PDCD11: variants seen among roughly 807,000 people sequenced by gnomAD.
PDCD11 encodes the protein protein RRP5 homolog.
A neutral mutation model predicts 198.9 loss-of-function variants in PDCD11; 97 were observed. The observed-to-expected ratio is 0.49, with a 90% CI of 0.41 to 0.58. The LOEUF is 0.58. Among genes scored for constraint, PDCD11 ranks in the 20% least tolerant of loss-of-function variants. The pLI is 0.00. For missense variants in PDCD11, 2,102 were observed against 2,312.7 expected, an observed-to-expected ratio of 0.91 and a Z score of 1.87; for synonymous variants, 893 against 918.0, an observed-to-expected ratio of 0.97 and a Z score of 0.49.
chr10:103,420,535 G>A (rs1328988438), intron 16 of PDCD11, among the ~76,000 whole-genome samples: 1 of 152,136 alleles, frequency 6.6e-6, no homozygotes, highest in Non-Finnish European at 1.5e-5. Context: ...GAGGCCTATT[G>A]AGGGGATGGG....
Position 103,405,203 on chromosome 10 carries a change from G to A in PDCD11, c.564+20G>A. ...GGCATGGTAGGTGTCTAGGGTCGGG[G>A]AGGAAGAGTGGCAATGTGCCTTCTC... On this transcript the variant is annotated intron_variant, in intron 5 of 35. Transcript: ENST00000369797. 6.2e-7 allele frequency: 1 copy of A among 1,611,338 alleles called. No homozygotes were observed. The highest frequency in any genetic ancestry group is 8.5e-7 in the Non-Finnish European group (1 of 1,179,146).
chr10:103,413,146 C>T lies in PDCD11; in HGVS notation c.1009C>T (p.Arg337Ter), dbSNP rs903952013. 3.1e-6 allele frequency: 5 copies of T among 1,614,150 alleles called. No homozygotes were observed. Among genetic ancestry groups the T allele is most frequent in the Non-Finnish European group, 4.2e-6 (5 of 1,180,014 alleles). The change falls in exon 9 of 36, where the codon CGA (arginine) becomes TGA (stop). Residue 337 changes from arginine (R) to a stop codon, truncating the protein, a stop_gained. Coordinates refer to ENST00000369797, the MANE Select transcript of PDCD11 (RefSeq NM_014976.2). LOFTEE classifies it high-confidence loss of function. ...GGCCTGCATCCTTTGCGTCCATCCT[C>T]GAACCAGAGTTGTGCACCTGAGCCT... ...VRACILCVHP[R>*]TRVVHLSLRP...
intron 3 of PDCD11, among the ~76,000 whole-genome samples, chr10:103,401,623 G>T (rs954492236): frequency 1.3e-5 from 2 of 152,126 alleles, no homozygotes; most frequent in Admixed American, 6.6e-5. Flanking sequence ...AAAAAGAAAA[G>T]AAGTTAAATA....
chr10:103,443,886 T>C (rs978966642), intron 33 of PDCD11, 29 bp from the exon 34 acceptor site: 2 of 1,610,642 alleles, frequency 1.2e-6, no homozygotes, highest in Non-Finnish European at 1.7e-6. Flanking sequence ...TATCACACTC[T>C]CCTCAGCGTG....
chr10:103,406,689 G>C lies in PDCD11; in HGVS notation c.769G>C (p.Val257Leu). 2.5e-6 allele frequency: 4 copies of C among 1,614,176 alleles called. No homozygotes were observed. The highest frequency in any genetic ancestry group is 3.4e-6 in the Non-Finnish European group (4 of 1,180,018). The change falls in exon 7 of 36, where the codon GTT becomes CTT. Residue 257 changes from valine (V) to leucine (L), a missense_variant. Transcript: ENST00000369797. ...CAACGGAGGAGTTGTTAGTCTGTCT[G>C]TTGGTCACTCAGAGGTTTCTACGGC... Reference protein sequence around the residue: ...KGNGGVVSLSVGHSEVSTAIA... With the variant: ...KGNGGVVSLSLGHSEVSTAIA...
intron 7 of PDCD11, among the ~76,000 whole-genome samples, chr10:103,409,326 CT>C (rs57480812): frequency 2.7e-5 from 4 of 147,644 alleles, no homozygotes; most frequent in African/African-American, 5.0e-5. Flanking sequence ...TTTTTTTAAC[CT>C]TTTTTTTTTA....
Position 103,396,643 on chromosome 10 carries a change from G to C in PDCD11, c.-99G>C, listed in dbSNP as rs1170151378. 6.6e-6 allele frequency: 1 copy of C among 152,322 alleles called. No homozygotes were observed. The highest frequency in any genetic ancestry group is 6.5e-5 in the Admixed American group (1 of 15,282). 9.4% of individuals were successfully genotyped at this position (152,322 alleles called of 1,614,324 possible). A position where few individuals can be genotyped will look rare whatever the true frequency, so the allele number is the denominator to read the frequency against. On this transcript the variant is annotated 5_prime_UTR_variant, in exon 1 of 36. Coordinates refer to ENST00000369797, the MANE Select transcript of PDCD11 (RefSeq NM_014976.2). ...GCCCGCCCACACTTCCGGAAGAATT[G>C]CACTGGACTGTGGGTATCCTGGTCT...
Position 103,419,556 on chromosome 10 carries a change from G to C in PDCD11, c.2125G>C (p.Ala709Pro), listed in dbSNP as rs1328837697. ...EGRVLLCRKP[A>P]LVSTVEGGQD... is the part of the protein sequence containing the mutation. ...CCACTAGCTTCTTTGCAGGAAGCCAGCCTTGGTCTCCACAGTAGAAGGTGG... is the reference window on the plus strand; with the variant it reads ...CCACTAGCTTCTTTGCAGGAAGCCACCCTTGGTCTCCACAGTAGAAGGTGG... The change falls in exon 16 of 36, where the codon GCC becomes CCC. Residue 709 changes from alanine to proline, a missense_variant. Ala to Pro is a conservative substitution (Grantham distance 27, BLOSUM62 -1). Coordinates refer to ENST00000369797, the MANE Select transcript of PDCD11 (RefSeq NM_014976.2). The C allele has an allele frequency of 4.3e-6, 7 of 1,613,638 alleles. No homozygotes were observed. The Admixed American group carries it at 5.0e-5, about 12-fold the overall frequency.
intron 13 of PDCD11, 45 bp from the exon 14 acceptor site, chr10:103,417,747 G>A: frequency 6.2e-7 from 1 of 1,603,186 alleles, no homozygotes; most frequent in East Asian, 2.2e-5. Flanking sequence ...GGGCCTGCAA[G>A]GCTTGCTGGG....
chr10:103,404,573 A>G (rs2030327642), intron 4 of PDCD11, among the ~76,000 whole-genome samples: 1 of 152,260 alleles, frequency 6.6e-6, no homozygotes, highest in Admixed American at 6.5e-5. Context: ...TGCTGGGATT[A>G]CAGGCATGAG....
intron 1 of PDCD11, among the ~76,000 whole-genome samples, 167 bp downstream of exon 1, chr10:103,396,897 C>T (rs2093438962): frequency 1.3e-5 from 2 of 152,122 alleles, no homozygotes; most frequent in South Asian, 2.1e-4. Flanking sequence ...GCTTTGTGTT[C>T]GGAAAGTAGC....
intron 16 of PDCD11, among the ~76,000 whole-genome samples, chr10:103,419,965 T>TC (rs796915944): frequency 5.4e-5 from 8 of 148,798 alleles, no homozygotes; most frequent in African/African-American, 1.7e-4. Flanking sequence ...TTTTTTTTTT[T>TC]TTTTTTTTGA....
At position 103,423,602 on chromosome 10, in the gene PDCD11, A is replaced by G; in HGVS notation, c.2707A>G (p.Lys903Glu). 6.2e-7 allele frequency: 1 copy of G among 1,614,100 alleles called. No individual in the cohort carries two copies. Among genetic ancestry groups the G allele is most frequent in the East Asian group, 2.2e-5 (1 of 44,866 alleles). The part of the protein sequence containing the change: ...KVVILNVDLL[K>E]LEVHVSLHQD... ...TGTTATCTTAAATGTTGATCTTTTG[A>G]AGTTGGAAGTGCACGTTTCCCTTCA... Residue 903 changes from lysine to glutamate, a missense_variant, in exon 19 of 36, where the codon AAG (lysine) becomes GAG (glutamate). Transcript: ENST00000369797.
chr10:103,417,878 G>C lies in PDCD11; in HGVS notation c.1857G>C (p.Lys619Asn). Residue 619 changes from lysine to asparagine, a missense_variant, in exon 14 of 36, where the codon AAG (lysine) becomes AAC (asparagine). Coordinates refer to ENST00000369797, the MANE Select transcript of PDCD11 (RefSeq NM_014976.2). ...SFKLSSDPEP[K>N]KEPAGHSQKK... ...AGCTGTCGAGTGATCCAGAGCCAAAGAAAGAGCCTGCAGGACACAGTCAGA... is the reference window on the plus strand; with the variant it reads ...AGCTGTCGAGTGATCCAGAGCCAAACAAAGAGCCTGCAGGACACAGTCAGA... The C allele has an allele frequency of 6.2e-7, 1 of 1,614,216 alleles. No individual in the cohort carries two copies. Among genetic ancestry groups the C allele is most frequent in the South Asian group, 1.1e-5 (1 of 91,084 alleles).
intron 5 of PDCD11, 183 bp downstream of exon 5, chr10:103,405,366 T>C (rs2030382999): frequency 1.9e-6 from 1 of 538,358 alleles, no homozygotes. Context: ...TTGAACCTAA[T>C]CATTACATTG....
At chr10:103,423,818 T>C (rs2031566123) in intron 19 of PDCD11, among the ~76,000 whole-genome samples, 160 bp downstream of exon 19, 1 of 152,102 alleles carries the variant, frequency 6.6e-6, no homozygotes, top group South Asian at 2.1e-4. Context: ...CCTGGTGTGG[T>C]TCATAGTGCT....
chr10:103,400,411 G>A lies in PDCD11; in HGVS notation c.117G>A (p.Glu39=). ...QDNLFDISTE[E]GSTKRKKSQK... ...CCCGCTTCTAGATTTCTACTGAAGAGGGATCCACCAAAAGAAAAAAGAGCC... is the reference window on the plus strand; with the variant it reads ...CCCGCTTCTAGATTTCTACTGAAGAAGGATCCACCAAAAGAAAAAAGAGCC... Residue 39 remains glutamate, a synonymous_variant, in exon 3 of 36, where the codon GAG becomes GAA. Transcript: ENST00000369797. 1 of 1,613,062 alleles carries A rather than the reference G, an allele frequency of 6.2e-7. No individual in the cohort carries two copies. The highest frequency in any genetic ancestry group is 8.5e-7 in the Non-Finnish European group (1 of 1,179,804).
intron 7 of PDCD11, 66 bp from the exon 8 acceptor site, chr10:103,409,633 G>A: frequency 9.5e-7 from 1 of 1,055,460 alleles, no homozygotes; most frequent in Non-Finnish European, 1.5e-6. Flanking sequence ...TTTACTGTGA[G>A]CAATGTCTCA....
chr10:103,432,310 C>T, intron 22 of PDCD11, 76 bp downstream of exon 22: 1 of 1,058,124 alleles, frequency 9.5e-7, no homozygotes, highest in South Asian at 1.3e-5. Context: ...GAGAGAAAAG[C>T]CATTAGCAGA....
Sources: gnomAD v4.1 joint callset for allele counts (sites outside exome capture counted in the v4.1 genomes callset) on GRCh38, gnomAD v4.1.1 for gene constraint, MANE v1.5 for transcripts, NCBI Gene and HGNC (gene_info 2026-07-23, HGNC 2026-07-21) for gene names.